The following CPA6 variants were observed in gnomAD, a reference collection of about 807,000 sequenced individuals.
CPA6 encodes the protein carboxypeptidase A6.
Under a neutral mutation model 63.3 loss-of-function variants are expected in CPA6, and 58 were observed. The observed-to-expected ratio is 0.92, with a 90% CI of 0.74 to 1.14. CPA6 has a LOEUF of 1.14. Ranked by LOEUF, CPA6 falls within the 50% of genes most tolerant of loss-of-function variation. The pLI, the probability that CPA6 is intolerant of heterozygous loss-of-function variation, is 0.00. For missense variants in CPA6, 565 were observed against 526.6 expected (o/e 1.07, Z -0.71); for synonymous variants, 185 against 179.0 (o/e 1.03, Z -0.27).
At chr8:67,642,767 G>T (rs1298028632) in intron 1 of CPA6, among the ~76,000 whole-genome samples, 1 of 147,434 alleles carries the variant, frequency 6.8e-6, no homozygotes, top group East Asian at 2.0e-4. Flanking sequence ...ATCCATGTGG[G>T]AAAATAATTA....
Position 67,506,838 on chromosome 8 carries a change from A to G in CPA6, c.585T>C (p.Ile195=), listed in dbSNP as rs1811938601. ...LKRAVWIDCG[I]HAREWIGPAF... ...CAGGACCAATCCATTCTCTTGCATG[A>G]ATACCACAGTCTATCCAAACAGCTC... Residue 195 remains isoleucine, a synonymous_variant, in exon 6 of 11, where the codon ATT becomes ATC. Transcript: ENST00000297770. 1.9e-6 allele frequency: 3 copies of G among 1,613,692 alleles called. No homozygotes were observed. The highest frequency in any genetic ancestry group is 4.5e-5 in the East Asian group (2 of 44,868).
At chr8:67,517,125 A>AT (rs112454905) in intron 3 of CPA6, among the ~76,000 whole-genome samples, 266 of 146,412 alleles carry the variant, frequency 1.8e-3, no homozygotes, top group East Asian at 7.5e-3. Context: ...TGCTCTAACC[A>AT]TTTTTTTTTT....
chr8:67,543,942 C>A (rs981904943), intron 2 of CPA6, among the ~76,000 whole-genome samples: 1 of 151,902 alleles, frequency 6.6e-6, no homozygotes, highest in Non-Finnish European at 1.5e-5. Context: ...CACCACCATG[C>A]CTGGCTGATT....
intron 1 of CPA6, among the ~76,000 whole-genome samples, chr8:67,711,686 TACACACACAC>T (rs5892094): frequency 1.8e-4 from 24 of 133,954 alleles, no homozygotes; most frequent in Non-Finnish European, 2.3e-4. Flanking sequence ...TATGCCTGTG[TACACACACAC>T]ACACACACAC....
chr8:67,496,557 A>ATATT (rs1811721922), intron 6 of CPA6, among the ~76,000 whole-genome samples: 3 of 98,996 alleles, frequency 3.0e-5, no homozygotes, highest in South Asian at 6.1e-4. Flanking sequence ...ATATATATAT[A>ATATT]TTTATTTTAT....
chr8:67,665,683 C>T (rs552986945), intron 1 of CPA6, among the ~76,000 whole-genome samples: 54 of 152,238 alleles, frequency 3.5e-4, no homozygotes, highest in South Asian at 1.2e-3. Flanking sequence ...TGTCCTAGAC[C>T]TTCCCATGGG....
chr8:67,744,426 TGC>T (rs1817970076), intron 1 of CPA6, among the ~76,000 whole-genome samples: 1 of 152,174 alleles, frequency 6.6e-6, no homozygotes, highest in South Asian at 2.1e-4. Flanking sequence ...ACGAAAAGGG[TGC>T]CACCACTGGC....
chr8:67,422,832 A>G, intron 10 of CPA6, 141 bp from the exon 11 acceptor site: 1 of 638,674 alleles, frequency 1.6e-6, no homozygotes, highest in South Asian at 2.7e-5. Flanking sequence ...AGAATGATTT[A>G]ACAGGAGTTC....
At chr8:67,455,473 G>A (rs1384256114) in intron 8 of CPA6, among the ~76,000 whole-genome samples, 2 of 151,842 alleles carry the variant, frequency 1.3e-5, no homozygotes, top group Non-Finnish European at 2.9e-5. Context: ...TTGTAAAGAA[G>A]AAGATAAAAA....
chr8:67,686,204 A>G (rs1816705951), intron 1 of CPA6, among the ~76,000 whole-genome samples: 1 of 152,224 alleles, frequency 6.6e-6, no homozygotes, highest in African/African-American at 2.4e-5. Context: ...TGGTGCCAGC[A>G]GAGGATTACA....
At chr8:67,653,518 T>A (rs371222173) in intron 1 of CPA6, among the ~76,000 whole-genome samples, 8 of 151,612 alleles carry the variant, frequency 5.3e-5, no homozygotes, top group East Asian at 1.9e-4. Context: ...TGAATGGGAG[T>A]TCACTCATGA....
At chr8:67,690,887 A>G (rs574997543) in intron 1 of CPA6, among the ~76,000 whole-genome samples, 3 of 152,346 alleles carry the variant, frequency 2.0e-5, no homozygotes, top group Admixed American at 1.3e-4. Flanking sequence ...AAGATAACAA[A>G]TATAACTTTT....
Position 67,485,288 on chromosome 8 carries a change from TTTATGATA to T in CPA6, c.637-507_637-500del, listed in dbSNP as rs1258166007. On this transcript the variant is annotated intron_variant, in intron 6 of 10. Transcript: ENST00000297770. ...TTTCTCCTTACTTTTCTGTAAAAAG[TTTATGATA>T]TTATGATATTATGAACAAAAACTCC... 2.0e-5 allele frequency among the ~76,000 whole-genome samples: 3 copies of T among 152,184 alleles called. No homozygotes were observed. In the East Asian group the frequency reaches 5.8e-4, roughly 29 times the overall value.
rs187739514 is a variant in CPA6, at chr8:67,697,042, A to T, written c.116+48972T>A. On this transcript the variant is annotated intron_variant, in intron 1 of 10. Coordinates refer to ENST00000297770, the MANE Select transcript of CPA6 (RefSeq NM_020361.5). ...TCCCACACCATTCTATAAGGTGGACATTACACCCATTTTGCCCTGAGGAAA... is the reference window on the plus strand; with the variant it reads ...TCCCACACCATTCTATAAGGTGGACTTTACACCCATTTTGCCCTGAGGAAA... Among the ~76,000 whole-genome samples, 4 of 152,362 alleles carry T rather than the reference A, an allele frequency of 2.6e-5. No homozygotes were observed. The East Asian group carries it at 7.7e-4, about 29-fold the overall frequency.
chr8:67,598,944 T>C (rs1483953882), intron 2 of CPA6, among the ~76,000 whole-genome samples: 1 of 152,126 alleles, frequency 6.6e-6, no homozygotes, highest in Non-Finnish European at 1.5e-5. Flanking sequence ...TATTATATAG[T>C]ATTTAAAAAC....
chr8:67,430,769 T>C (rs1319163647), intron 9 of CPA6, among the ~76,000 whole-genome samples: 1 of 152,182 alleles, frequency 6.6e-6, no homozygotes, highest in African/African-American at 2.4e-5. Flanking sequence ...CTATACCTGC[T>C]AGATGCCAGT....
intron 1 of CPA6, among the ~76,000 whole-genome samples, chr8:67,643,923 C>T (rs1192058631): frequency 1.3e-5 from 2 of 152,096 alleles, no homozygotes; most frequent in Admixed American, 1.3e-4. Context: ...AAAATAGACA[C>T]TGGCTTGTTA....
At chr8:67,531,051 T>A (rs1334040797) in intron 2 of CPA6, among the ~76,000 whole-genome samples, 5 of 152,214 alleles carry the variant, frequency 3.3e-5, no homozygotes, top group Non-Finnish European at 2.9e-5. Flanking sequence ...TTTCAGATAC[T>A]AGTTTTATGG....
At chr8:67,442,000 A>G (rs1810305421) in intron 8 of CPA6, among the ~76,000 whole-genome samples, 1 of 152,182 alleles carries the variant, frequency 6.6e-6, no homozygotes, top group South Asian at 2.1e-4. Flanking sequence ...TTGGTCATAT[A>G]TAATGAATGT....
Sources: allele counts gnomAD v4.1 joint callset (sites outside exome capture counted in the v4.1 genomes callset), GRCh38; gene constraint gnomAD v4.1.1; transcripts MANE v1.5; gene names NCBI Gene and HGNC (gene_info 2026-07-23, HGNC 2026-07-21).